KCNE4: variants seen among roughly 807,000 people sequenced by gnomAD.
KCNE4 encodes the protein potassium voltage-gated channel subfamily E member 4.
KCNE4 carries 6 observed loss-of-function variants against 9.2 expected under a neutral mutation model. The observed-to-expected ratio is 0.65, with a 90% CI of 0.36 to 1.29. The LOEUF is 1.29. KCNE4 is among the 50% of genes most tolerant of loss of function. The probability of loss-of-function intolerance (pLI) is 0.03; values close to 1 mark genes in which losing one functional copy is unlikely to be tolerated. For synonymous variants in KCNE4, 115 were observed against 103.2 expected, an observed-to-expected ratio of 1.11 and a Z score of -0.70; for missense variants, 222 against 228.8, an observed-to-expected ratio of 0.97 and a Z score of 0.19.
At position 223,053,612 on chromosome 2, in the gene KCNE4, G is replaced by A. The variant is rs898612664; in HGVS notation, c.*269G>A. 6 of 513,224 alleles carry A rather than the reference G, an allele frequency of 1.2e-5. No homozygotes were observed. The highest frequency in any genetic ancestry group is 2.2e-5 in the Non-Finnish European group (6 of 274,462). 31.8% of individuals were successfully genotyped at this position (513,224 alleles called of 1,614,324 possible). On this transcript the variant is annotated 3_prime_UTR_variant, in exon 2 of 2. Coordinates refer to ENST00000281830, the MANE Select transcript of KCNE4 (RefSeq NM_080671.4). The surrounding 1 kb of genome is among the most constrained non-coding windows in gnomAD (Gnocchi z 4.1). ...ACACTGACTTTGGGGCCTGGGTGTT[G>A]GGGTTCTGATCAGAATTTGGCGGGA...
Position 223,053,603 on chromosome 2 carries a change from C to T in KCNE4, c.*260C>T. The stretch of plus-strand genomic sequence containing the variant: ...GCAGCGCGTACACTGACTTTGGGGC[C>T]TGGGTGTTGGGGTTCTGATCAGAAT... On this transcript the variant is annotated 3_prime_UTR_variant, in exon 2 of 2. Transcript: ENST00000281830. This position sits in a 1 kb window ranked among gnomAD's most constrained non-coding sequence, Gnocchi z 4.1. 1 of 528,296 alleles carries T rather than the reference C, an allele frequency of 1.9e-6. No individual in the cohort carries two copies. Among genetic ancestry groups the T allele is most frequent in the Non-Finnish European group, 3.5e-6 (1 of 283,460 alleles). 32.7% of individuals were successfully genotyped at this position (528,296 alleles called of 1,614,324 possible). A position where few individuals can be genotyped will look rare whatever the true frequency, so the allele number is the denominator to read the frequency against.
At chr2:223,052,525 T>A (rs1698707939) in intron 1 of KCNE4, among the ~76,000 whole-genome samples, 1 of 146,068 alleles carries the variant, frequency 6.8e-6, no homozygotes, top group African/African-American at 2.5e-5. Flanking sequence ...ATTTTTTTTT[T>A]AATCAAAGTA....
At position 223,053,467 on chromosome 2, in the gene KCNE4, C is replaced by G. The variant is rs1449610311; in HGVS notation, c.*124C>G. The G allele has an allele frequency of 9.6e-7, 1 of 1,046,874 alleles. No individual in the cohort carries two copies. Among genetic ancestry groups the G allele is most frequent in the South Asian group, 1.4e-5 (1 of 71,248 alleles). 64.8% of individuals were successfully genotyped at this position (1,046,874 alleles called of 1,614,324 possible). A position where few individuals can be genotyped will look rare whatever the true frequency, so the allele number is the denominator to read the frequency against. ...CCACTTTGAAGAGACCCTTGGTAAA[C>G]CCCTGATTCGGGGTGGGGTGGGGGA... On this transcript the variant is annotated 3_prime_UTR_variant, in exon 2 of 2. Coordinates refer to ENST00000281830, the MANE Select transcript of KCNE4 (RefSeq NM_080671.4). This position sits in a 1 kb window ranked among gnomAD's most constrained non-coding sequence, Gnocchi z 4.1.
chr2:223,055,301 A>C lies in KCNE4; in HGVS notation c.*1958A>C, dbSNP rs1221789547. The C allele has an allele frequency of 6.0e-6, 1 of 166,976 alleles. No homozygotes were observed. Among genetic ancestry groups the C allele is most frequent in the African/African-American group, 2.4e-5 (1 of 41,420 alleles). 10.3% of individuals were successfully genotyped at this position (166,976 alleles called of 1,614,324 possible). On this transcript the variant is annotated 3_prime_UTR_variant, in exon 2 of 2. Coordinates refer to ENST00000281830, the MANE Select transcript of KCNE4 (RefSeq NM_080671.4). ...GCTAAAGGAAATTTATGTTTGGGGG[A>C]AAAAGGCCCTCTGTTCACTTTAAAA...
chr2:223,053,567 C>T lies in KCNE4; in HGVS notation c.*224C>T, dbSNP rs1342712683. 8.4e-6 allele frequency: 5 copies of T among 593,616 alleles called. No homozygotes were observed. In the African/African-American group the frequency reaches 9.3e-5, roughly 11 times the overall value. 36.8% of individuals were successfully genotyped at this position (593,616 alleles called of 1,614,324 possible). A position where few individuals can be genotyped will look rare whatever the true frequency, so the allele number is the denominator to read the frequency against. On this transcript the variant is annotated 3_prime_UTR_variant, in exon 2 of 2. Coordinates refer to ENST00000281830, the MANE Select transcript of KCNE4 (RefSeq NM_080671.4). This position sits in a 1 kb window ranked among gnomAD's most constrained non-coding sequence, Gnocchi z 4.1. Reference sequence around the variant, plus strand: ...GGTTTGCACCCACCACTGAAAAAGCCGCGGAGATGCGCAGCGCGTACACTG... The same window carrying T: ...GGTTTGCACCCACCACTGAAAAAGCTGCGGAGATGCGCAGCGCGTACACTG...
In KCNE4 at chr2:223,053,698, C is replaced by G. The variant is rs1287926283; in HGVS notation, c.*355C>G. On this transcript the variant is annotated 3_prime_UTR_variant, in exon 2 of 2. Coordinates refer to ENST00000281830, the MANE Select transcript of KCNE4 (RefSeq NM_080671.4). This position sits in a 1 kb window ranked among gnomAD's most constrained non-coding sequence, Gnocchi z 4.1. The stretch of plus-strand genomic sequence containing the variant: ...GTAGCTCCTGCAGGGTCTGCCTGTT[C>G]CCAGGGCTGCCGAATGCTTAGGACA... 1 of 340,696 alleles carries G rather than the reference C, an allele frequency of 2.9e-6. No individual in the cohort carries two copies. Among genetic ancestry groups the G allele is most frequent in the Admixed American group, 4.0e-5 (1 of 25,230 alleles). 21.1% of individuals were successfully genotyped at this position (340,696 alleles called of 1,614,324 possible). A position where few individuals can be genotyped will look rare whatever the true frequency, so the allele number is the denominator to read the frequency against.
chr2:223,054,525 A>T lies in KCNE4; in HGVS notation c.*1182A>T, dbSNP rs1698739307. 6.0e-6 allele frequency: 1 copy of T among 167,092 alleles called. No individual in the cohort carries two copies. The highest frequency in any genetic ancestry group is 1.5e-5 in the Non-Finnish European group (1 of 68,132). 10.4% of individuals were successfully genotyped at this position (167,092 alleles called of 1,614,324 possible). A position where few individuals can be genotyped will look rare whatever the true frequency, so the allele number is the denominator to read the frequency against. ...GGTTAGTCTGAACAAGGATCTGCTGATTTAAAGGAGCAGTTGGAGATTCAG... is the reference window on the plus strand; with the variant it reads ...GGTTAGTCTGAACAAGGATCTGCTGTTTTAAAGGAGCAGTTGGAGATTCAG... On this transcript the variant is annotated 3_prime_UTR_variant, in exon 2 of 2. Coordinates refer to ENST00000281830, the MANE Select transcript of KCNE4 (RefSeq NM_080671.4).
rs986060896 is a variant in KCNE4 at position 223,052,376 on chromosome 2, T to C, written c.-24+102T>C. ...TTTTCCTTTATTTTCTTCCTGCTTTTCTTTGTTCTAAGGAAACATTGTTTT... is the reference window on the plus strand; with the variant it reads ...TTTTCCTTTATTTTCTTCCTGCTTTCCTTTGTTCTAAGGAAACATTGTTTT... On this transcript the variant is annotated intron_variant, in intron 1 of 1. Coordinates refer to ENST00000281830, the MANE Select transcript of KCNE4 (RefSeq NM_080671.4). The C allele has an allele frequency of 1.1e-5, 10 of 898,058 alleles. No individual in the cohort carries two copies. The African/African-American group carries it at 1.6e-4, about 14-fold the overall frequency. 55.6% of individuals were successfully genotyped at this position (898,058 alleles called of 1,614,324 possible).
Position 223,055,054 on chromosome 2 carries a change from C to A in KCNE4, c.*1711C>A, listed in dbSNP as rs1480318711. On this transcript the variant is annotated 3_prime_UTR_variant, in exon 2 of 2. Coordinates refer to ENST00000281830, the MANE Select transcript of KCNE4 (RefSeq NM_080671.4). ...TTGATTTTTAGTAGAGATGGGGTTT[C>A]GCCATTTTGGCCAGGCTGGTCTCAA... The A allele has an allele frequency of 1.3e-5, 2 of 158,568 alleles. No homozygotes were observed. The highest frequency in any genetic ancestry group is 6.6e-5 in the Admixed American group (1 of 15,244). 9.8% of individuals were successfully genotyped at this position (158,568 alleles called of 1,614,324 possible). A position where few individuals can be genotyped will look rare whatever the true frequency, so the allele number is the denominator to read the frequency against.
Position 223,053,533 on chromosome 2 carries a change from G to C in KCNE4, c.*190G>C. 4 of 648,676 alleles carry C rather than the reference G, an allele frequency of 6.2e-6. No individual in the cohort carries two copies. The South Asian group carries it at 7.4e-5, about 12-fold the overall frequency. The allele number at this position is 648,676 out of a possible 1,614,324, so 40.2% of individuals were successfully genotyped here. A position where few individuals can be genotyped will look rare whatever the true frequency, so the allele number is the denominator to read the frequency against. On this transcript the variant is annotated 3_prime_UTR_variant, in exon 2 of 2. Coordinates refer to ENST00000281830, the MANE Select transcript of KCNE4 (RefSeq NM_080671.4). The surrounding 1 kb of genome is among the most constrained non-coding windows in gnomAD (Gnocchi z 4.1). ...ACCAGCACCTCCAAGGAGTCCGGGAGGTGCCTGTGGTTTGCACCCACCACT... is the reference window on the plus strand; with the variant it reads ...ACCAGCACCTCCAAGGAGTCCGGGACGTGCCTGTGGTTTGCACCCACCACT...
Position 223,053,726 on chromosome 2 carries a change from C to A in KCNE4, c.*383C>A. On this transcript the variant is annotated 3_prime_UTR_variant, in exon 2 of 2. Coordinates refer to ENST00000281830, the MANE Select transcript of KCNE4 (RefSeq NM_080671.4). This position sits in a 1 kb window ranked among gnomAD's most constrained non-coding sequence, Gnocchi z 4.1. ...AGGGCTGCCGAATGCTTAGGACACG[C>A]TGAGAGACTAGTTGTGATTTGCTAT... is the stretch of plus-strand genomic sequence containing the variant. The A allele has an allele frequency of 6.9e-6, 2 of 288,596 alleles. No individual in the cohort carries two copies. The highest frequency in any genetic ancestry group is 1.4e-5 in the Non-Finnish European group (2 of 138,888). The allele number at this position is 288,596 out of a possible 1,614,324, so 17.9% of individuals were successfully genotyped here. A position where few individuals can be genotyped will look rare whatever the true frequency, so the allele number is the denominator to read the frequency against.
chr2:223,053,271 G>A lies in KCNE4; in HGVS notation c.441G>A (p.Leu147=), dbSNP rs140276013. The A allele has an allele frequency of 8.9e-5, 144 of 1,613,992 alleles. No homozygotes were observed. In the African/African-American group the frequency reaches 1.7e-3, roughly 20 times the overall value. Residue 147 remains leucine, a synonymous_variant, in exon 2 of 2, where the codon CTG becomes CTA. Coordinates refer to ENST00000281830, the MANE Select transcript of KCNE4 (RefSeq NM_080671.4). The surrounding 1 kb of genome is among the most constrained non-coding windows in gnomAD (Gnocchi z 4.1). ...TIQEEGADDE[L]EETSETPLNE... ...AGGAGGAGGGGGCAGACGATGAGCT[G>A]GAGGAGACCTCGGAGACGCCCCTCA...
intron 1 of KCNE4, among the ~76,000 whole-genome samples, chr2:223,052,515 A>AT (rs547897210): frequency 4.9e-4 from 30 of 61,540 alleles, no homozygotes; most frequent in Middle Eastern, 5.7e-3. Context: ...TCTTACATTG[A>AT]TTTTTTTTTT....
Position 223,053,552 on chromosome 2 carries a change from C to A in KCNE4, c.*209C>A, listed in dbSNP as rs1333380717. ...CCGGGAGGTGCCTGTGGTTTGCACC[C>A]ACCACTGAAAAAGCCGCGGAGATGC... On this transcript the variant is annotated 3_prime_UTR_variant, in exon 2 of 2. Transcript: ENST00000281830. This position sits in a 1 kb window ranked among gnomAD's most constrained non-coding sequence, Gnocchi z 4.1. The A allele has an allele frequency of 8.1e-6, 5 of 615,460 alleles. No homozygotes were observed. In the East Asian group the frequency reaches 1.1e-4, roughly 14 times the overall value. The allele number at this position is 615,460 out of a possible 1,614,324, so 38.1% of individuals were successfully genotyped here. A position where few individuals can be genotyped will look rare whatever the true frequency, so the allele number is the denominator to read the frequency against.
At position 223,052,915 on chromosome 2, in the gene KCNE4, G is replaced by A. The variant is rs369551763; in HGVS notation, c.85G>A (p.Gly29Ser). 2.5e-6 allele frequency: 4 copies of A among 1,614,034 alleles called. No homozygotes were observed. Among genetic ancestry groups the A allele is most frequent in the Non-Finnish European group, 3.4e-6 (4 of 1,179,964 alleles). ...CCTGGAGTCCCGTGCGGCCGGCGGC[G>A]GCAGCGGCAATGGCAACGAGTACTT... ...SPLESRAAGG[G>S]SGNGNEYFYI... The change falls in exon 2 of 2, where the codon GGC (glycine) becomes AGC (serine). Residue 29 changes from glycine (G) to serine (S), a missense_variant. Gly to Ser is a moderately conservative substitution (Grantham distance 56, BLOSUM62 0). Coordinates refer to ENST00000281830, the MANE Select transcript of KCNE4 (RefSeq NM_080671.4).
rs1268537788 is a variant in KCNE4 at position 223,053,788 on chromosome 2, T to C, written c.*445T>C. 4.6e-6 allele frequency: 1 copy of C among 217,352 alleles called. No homozygotes were observed. Among genetic ancestry groups the C allele is most frequent in the Non-Finnish European group, 1.0e-5 (1 of 97,198 alleles). 13.5% of individuals were successfully genotyped at this position (217,352 alleles called of 1,614,324 possible). On this transcript the variant is annotated 3_prime_UTR_variant, in exon 2 of 2. Coordinates refer to ENST00000281830, the MANE Select transcript of KCNE4 (RefSeq NM_080671.4). The surrounding 1 kb of genome is among the most constrained non-coding windows in gnomAD (Gnocchi z 4.1). ...CTTTGTCCTTCTAGATCTGATTGGC[T>C]GTAAGTATCTCTACTGTGTACCTGT... is the stretch of plus-strand genomic sequence containing the variant.
At chr2:223,052,705 C>CT (rs1359344336) in intron 1 of KCNE4, 103 bp from the exon 2 acceptor site, 1 of 1,328,636 alleles carries the variant, frequency 7.5e-7, no homozygotes, top group African/African-American at 1.5e-5. Context: ...CTTTCATGCA[C>CT]TTTTAAGCTT....
rs912955978 is a variant in KCNE4 at position 223,053,436 on chromosome 2, C to T, written c.*93C>T. The T allele has an allele frequency of 2.8e-5, 36 of 1,289,066 alleles. No homozygotes were observed. The South Asian group carries it at 3.7e-4, about 13-fold the overall frequency. The allele number at this position is 1,289,066 out of a possible 1,614,324, so 79.9% of individuals were successfully genotyped here. A position where few individuals can be genotyped will look rare whatever the true frequency, so the allele number is the denominator to read the frequency against. On this transcript the variant is annotated 3_prime_UTR_variant, in exon 2 of 2. Transcript: ENST00000281830. The surrounding 1 kb of genome is among the most constrained non-coding windows in gnomAD (Gnocchi z 4.1). ...AGTGTCTGGTTTCACTTTCACAGTG[C>T]GGCTGCCACTTTGAAGAGACCCTTG... is the stretch of plus-strand genomic sequence containing the variant.
intron 1 of KCNE4, 73 bp downstream of exon 1, chr2:223,052,347 A>G: frequency 9.2e-7 from 1 of 1,089,068 alleles, no homozygotes; most frequent in Non-Finnish European, 1.2e-6. Flanking sequence ...TAATAGATGA[A>G]TTTTTTTCCT....
Sources: gnomAD v4.1 joint callset for allele counts (sites outside exome capture counted in the v4.1 genomes callset) on GRCh38, gnomAD v4.1.1 for gene constraint, Gnocchi (gnomAD v3.1) non-coding constraint, MANE v1.5 for transcripts, NCBI Gene and HGNC (gene_info 2026-07-23, HGNC 2026-07-21) for gene names.